Variants in DERA observed in about 807,000 individuals in gnomAD.
The protein encoded by DERA is deoxyribose-phosphate aldolase, also known as 2-deoxy-D-ribose 5-phosphate aldolase.
A neutral mutation model predicts 41.1 loss-of-function variants in DERA; 15 were observed. That is an observed-to-expected ratio of 0.37 (90% CI 0.24 to 0.56). The LOEUF (loss-of-function observed/expected upper bound fraction) is 0.56. DERA is among the 20% of genes least tolerant of loss of function. The probability of loss-of-function intolerance (pLI) is 0.81; values close to 1 mark genes in which losing one functional copy is unlikely to be tolerated. For missense variants in DERA, 396 were observed against 403.4 expected (o/e 0.98, Z 0.16); for synonymous variants, 139 against 137.4 (o/e 1.01, Z -0.08).
At chr12:16,033,468 G>A (rs1024454223) in intron 7 of DERA, among the ~76,000 whole-genome samples, 1 of 152,202 alleles carries the variant, frequency 6.6e-6, no homozygotes, top group African/African-American at 2.4e-5. Context: ...GGAAAAATGC[G>A]TATGAGTTGC....
In DERA at chr12:16,021,760, C is replaced by A. The variant is rs976630315; in HGVS notation, c.638-10782C>A. On this transcript the variant is annotated intron_variant, in intron 6 of 8. Transcript: ENST00000428559. The surrounding 1 kb of genome is among the most constrained non-coding windows in gnomAD (Gnocchi z 5.3). ...AATGACTGCCCTGCTGAGTTTGGGG[C>A]TTGTATGAGGCCTATAGCGCACCCC... 2.0e-5 allele frequency among the ~76,000 whole-genome samples: 3 copies of A among 152,174 alleles called. No homozygotes were observed. Among genetic ancestry groups the A allele is most frequent in the Non-Finnish European group, 4.4e-5 (3 of 68,018 alleles).
chr12:15,921,064 T>C lies in DERA; in HGVS notation c.31+9650T>C, dbSNP rs1284909555. On this transcript the variant is annotated intron_variant, in intron 1 of 8. Coordinates refer to ENST00000428559, the MANE Select transcript of DERA (RefSeq NM_015954.4). This position sits in a 1 kb window ranked among gnomAD's most constrained non-coding sequence, Gnocchi z 5.3. ...TGTCATTTTTACCTTAATCTTATTA[T>C]CTTTATATATCATATATTTTACACT... Among the ~76,000 whole-genome samples the C allele has an allele frequency of 6.6e-6, 1 of 152,242 alleles. No homozygotes were observed. Among genetic ancestry groups the C allele is most frequent in the Non-Finnish European group, 1.5e-5 (1 of 68,054 alleles).
Position 15,976,070 on chromosome 12 carries a change from A to C in DERA, c.509-6238A>C, listed in dbSNP as rs575243590. ...CACACATTCATTTTTATTTATTTAT[A>C]TATCAGTCTATAAATCTGTCTTAGA... On this transcript the variant is annotated intron_variant, in intron 5 of 8. Coordinates refer to ENST00000428559, the MANE Select transcript of DERA (RefSeq NM_015954.4). This position sits in a 1 kb window ranked among gnomAD's most constrained non-coding sequence, Gnocchi z 4.1. Among the ~76,000 whole-genome samples, 1 of 152,160 alleles carries C rather than the reference A, an allele frequency of 6.6e-6. No individual in the cohort carries two copies. The highest frequency in any genetic ancestry group is 1.5e-5 in the Non-Finnish European group (1 of 68,026).
intron 1 of DERA, among the ~76,000 whole-genome samples, chr12:15,947,256 T>A (rs529300645): frequency 6.6e-6 from 1 of 152,196 alleles, no homozygotes; most frequent in Non-Finnish European, 1.5e-5. Context: ...AATTCCTGGA[T>A]ATCCTTGTTA....
rs760577941 is a variant in DERA, at chr12:15,982,346, G to A, written c.547G>A (p.Gly183Arg). 1.2e-6 allele frequency: 2 copies of A among 1,613,850 alleles called. No individual in the cohort carries two copies. Among genetic ancestry groups the A allele is most frequent in the South Asian group, 2.2e-5 (2 of 91,060 alleles). Residue 183 changes from glycine to arginine, a missense_variant, in exon 6 of 9, where the codon GGG becomes AGG. By Grantham distance (125) the Gly-to-Arg change is moderately radical. Transcript: ENST00000428559. The surrounding 1 kb of genome is among the most constrained non-coding windows in gnomAD (Gnocchi z 4.0). ...GATTCGTCAGTTTCGCAAGGCCTGT[G>A]GGGAGGCTCATCTTAAAACTATATT... ...DEIRQFRKACGEAHLKTILAT... is the reference protein window; with the variant it reads ...DEIRQFRKACREAHLKTILAT...
Position 15,938,200 on chromosome 12 carries a change from G to A in DERA, c.32-18736G>A, listed in dbSNP as rs1948385378. 1.3e-5 allele frequency among the ~76,000 whole-genome samples: 2 copies of A among 152,168 alleles called. No homozygotes were observed. Among genetic ancestry groups the A allele is most frequent in the African/African-American group, 4.8e-5 (2 of 41,446 alleles). ...GAGCTGGAGAAAGTTGCTCAGAAATGACATTGACTTGGATATTTGTTAGGG... is the reference window on the plus strand; with the variant it reads ...GAGCTGGAGAAAGTTGCTCAGAAATAACATTGACTTGGATATTTGTTAGGG... On this transcript the variant is annotated intron_variant, in intron 1 of 8. Coordinates refer to ENST00000428559, the MANE Select transcript of DERA (RefSeq NM_015954.4). This position sits in a 1 kb window ranked among gnomAD's most constrained non-coding sequence, Gnocchi z 4.1.
At chr12:15,950,180 A>G (rs1343502178) in intron 1 of DERA, among the ~76,000 whole-genome samples, 3 of 152,228 alleles carry the variant, frequency 2.0e-5, no homozygotes, top group Non-Finnish European at 4.4e-5. Flanking sequence ...TTTATTAAAA[A>G]AGTAAGGGAA....
chr12:15,999,756 CTGAG>C lies in DERA; in HGVS notation c.637+17322_637+17325del, dbSNP rs1253869639. ...TTTAGCCTGAGGAATGAATGATTGA[CTGAG>C]TAACTCATTCATTCATTCATTTATT... On this transcript the variant is annotated intron_variant, in intron 6 of 8. Coordinates refer to ENST00000428559, the MANE Select transcript of DERA (RefSeq NM_015954.4). The surrounding 1 kb of genome is among the most constrained non-coding windows in gnomAD (Gnocchi z 5.3). 6.6e-6 allele frequency among the ~76,000 whole-genome samples: 1 copy of C among 152,094 alleles called. No individual in the cohort carries two copies. Among genetic ancestry groups the C allele is most frequent in the African/African-American group, 2.4e-5 (1 of 41,420 alleles).
intron 6 of DERA, among the ~76,000 whole-genome samples, chr12:16,028,620 T>C (rs1014934044): frequency 6.6e-6 from 1 of 152,168 alleles, no homozygotes; most frequent in Non-Finnish European, 1.5e-5. Context: ...GAGCCAACAC[T>C]AACTACCTCA....
At chr12:15,956,888 A>G in intron 1 of DERA, 48 bp from the exon 2 acceptor site, 2 of 1,345,244 alleles carry the variant, frequency 1.5e-6, no homozygotes, top group South Asian at 1.2e-5. Flanking sequence ...AGGTGACTAT[A>G]TTTAATGAAA....
rs1466171545 is a variant in DERA, at chr12:15,970,569, G to C, written c.508+7622G>C. The stretch of plus-strand genomic sequence containing the variant: ...TTTATAAGTGTTTTTAGCTTTTTGA[G>C]GGTTTTTAAATTTTCATTTCTTTTT... On this transcript the variant is annotated intron_variant, in intron 5 of 8. Transcript: ENST00000428559. The surrounding 1 kb of genome is among the most constrained non-coding windows in gnomAD (Gnocchi z 4.3). Among the ~76,000 whole-genome samples the C allele has an allele frequency of 2.0e-5, 3 of 151,690 alleles. No individual in the cohort carries two copies. Among genetic ancestry groups the C allele is most frequent in the African/African-American group, 7.3e-5 (3 of 41,250 alleles).
Position 16,000,955 on chromosome 12 carries a change from A to G in DERA, c.637+18519A>G, listed in dbSNP as rs938057847. Among the ~76,000 whole-genome samples, 2 of 152,206 alleles carry G rather than the reference A, an allele frequency of 1.3e-5. No homozygotes were observed. The highest frequency in any genetic ancestry group is 2.4e-5 in the African/African-American group (1 of 41,444). On this transcript the variant is annotated intron_variant, in intron 6 of 8. Transcript: ENST00000428559. This position sits in a 1 kb window ranked among gnomAD's most constrained non-coding sequence, Gnocchi z 4.8. ...TTGTTTTACAGTATTCAGTATTACA[A>G]TGCCATTCAAAAATATAAAATAAAA...
At chr12:15,975,515 T>A (rs1948691256) in intron 5 of DERA, among the ~76,000 whole-genome samples, 1 of 152,248 alleles carries the variant, frequency 6.6e-6, no homozygotes, top group African/African-American at 2.4e-5. Context: ...AGCTAACTTG[T>A]TAGTTCTACA....
At chr12:15,948,660 C>G (rs537875405) in intron 1 of DERA, among the ~76,000 whole-genome samples, 19 of 152,132 alleles carry the variant, frequency 1.2e-4, no homozygotes, top group Non-Finnish European at 2.4e-4. Context: ...TCTTTTAGCT[C>G]GGAGTAGTTT....
chr12:16,030,595 C>G (rs910760108), intron 6 of DERA, among the ~76,000 whole-genome samples: 4 of 152,094 alleles, frequency 2.6e-5, no homozygotes, highest in Admixed American at 2.0e-4. Context: ...CATTCAATCT[C>G]TATTTGGATT....
At chr12:15,929,592 T>C (rs1272125431) in intron 1 of DERA, among the ~76,000 whole-genome samples, 3 of 152,140 alleles carry the variant, frequency 2.0e-5, no homozygotes, top group Non-Finnish European at 4.4e-5. Context: ...TCTGTGTGTG[T>C]GTCTGTGTGT....
rs1199912031 is a variant in DERA, at chr12:15,981,685, G to T, written c.509-623G>T. On this transcript the variant is annotated intron_variant, in intron 5 of 8. Transcript: ENST00000428559. The surrounding 1 kb of genome is among the most constrained non-coding windows in gnomAD (Gnocchi z 6.1). ...TGGTACTGGGGTCATGGGCTCAGGG[G>T]TTAACAGATTTAAGGCAGCATCTCT... 6.6e-6 allele frequency among the ~76,000 whole-genome samples: 1 copy of T among 152,168 alleles called. No individual in the cohort carries two copies.
chr12:15,945,633 C>T lies in DERA; in HGVS notation c.32-11303C>T, dbSNP rs544548022. Among the ~76,000 whole-genome samples, 292 of 152,236 alleles carry T rather than the reference C, an allele frequency of 1.9e-3. 2 individuals are homozygous for T. Among genetic ancestry groups the T allele is most frequent in the Middle Eastern group, 3.4e-3 (1 of 294 alleles). On this transcript the variant is annotated intron_variant, in intron 1 of 8. Transcript: ENST00000428559. ...AGCTTAAGGAGATTTGGGGTTGAGA[C>T]GATGGGGTTTTCTAGATATACAATC...
chr12:16,011,161 T>C lies in DERA; in HGVS notation c.638-21381T>C, dbSNP rs1365531273. ...TTTTAATGTTAATATATACTATATA[T>C]TCCAAACTTGCTAGTGACAGTAGAA... On this transcript the variant is annotated intron_variant, in intron 6 of 8. Transcript: ENST00000428559. The surrounding 1 kb of genome is among the most constrained non-coding windows in gnomAD (Gnocchi z 4.7). 6.6e-6 allele frequency among the ~76,000 whole-genome samples: 1 copy of C among 152,190 alleles called. No homozygotes were observed. Among genetic ancestry groups the C allele is most frequent in the African/African-American group, 2.4e-5 (1 of 41,444 alleles).
Sources: allele counts gnomAD v4.1 joint callset (sites outside exome capture counted in the v4.1 genomes callset), GRCh38; gene constraint gnomAD v4.1.1; non-coding constraint Gnocchi (gnomAD v3.1); transcripts MANE v1.5; gene names NCBI Gene and HGNC (gene_info 2026-07-23, HGNC 2026-07-21).